The following L3MBTL4 variants were observed in gnomAD, a reference collection of about 807,000 sequenced individuals.
L3MBTL4 encodes the protein lethal(3)malignant brain tumor-like protein 4.
L3MBTL4 carries 70 observed loss-of-function variants against 84.5 expected under a neutral mutation model. The observed-to-expected ratio is 0.83, with a 90% CI of 0.68 to 1.01. The LOEUF is 1.01. Ranked by LOEUF, L3MBTL4 falls within the 50% of genes least tolerant of loss-of-function variation. L3MBTL4 has a pLI of 0.00. For missense variants in L3MBTL4, 715 were observed against 754.8 expected (o/e 0.95, Z 0.62); for synonymous variants, 274 against 259.8 (o/e 1.05, Z -0.52).
chr18:6,185,778 G>A (rs1345172161), intron 12 of L3MBTL4, among the ~76,000 whole-genome samples: 1 of 152,066 alleles, frequency 6.6e-6, no homozygotes, highest in Non-Finnish European at 1.5e-5. Context: ...TGGTAAAGAG[G>A]CCACCGAAGG....
intron 13 of L3MBTL4, among the ~76,000 whole-genome samples, chr18:6,147,929 G>A (rs1015247986): frequency 2.0e-5 from 3 of 152,032 alleles, no homozygotes; most frequent in Non-Finnish European, 4.4e-5. Flanking sequence ...TAAGATAATG[G>A]GTAATTGGCT....
chr18:6,208,981 C>A (rs143260475), intron 12 of L3MBTL4, among the ~76,000 whole-genome samples: 2 of 152,090 alleles, frequency 1.3e-5, no homozygotes, highest in Admixed American at 6.6e-5. Flanking sequence ...TGAGGGTGAG[C>A]GAGTAGAGGA....
chr18:6,007,143 A>C lies in L3MBTL4; in HGVS notation c.1445-37581T>G, dbSNP rs180912169. Among the ~76,000 whole-genome samples the C allele has an allele frequency of 1.3e-3, 200 of 152,286 alleles. 1 individual carries two copies. The highest frequency in any genetic ancestry group is 2.2e-3 in the Non-Finnish European group (151 of 68,018). ...ATAAACAAACATAACGCTCACAAAA[A>C]AGTAAAGTCAAAAGCCAGACAACAA... On this transcript the variant is annotated intron_variant, in intron 16 of 18. Transcript: ENST00000317931.
At chr18:6,107,483 G>A (rs955455637) in intron 14 of L3MBTL4, among the ~76,000 whole-genome samples, 10 of 152,248 alleles carry the variant, frequency 6.6e-5, no homozygotes, top group East Asian at 5.8e-4. Context: ...GCATGCAGGC[G>A]GTCTGGGTAA....
intron 18 of L3MBTL4, among the ~76,000 whole-genome samples, chr18:5,956,808 C>T (rs2095229454): frequency 6.6e-6 from 1 of 152,142 alleles, no homozygotes; most frequent in Admixed American, 6.5e-5. Context: ...GAAAGCAACC[C>T]ACTGTTCCCA....
chr18:6,295,346 C>CTCTCTCTCTCTATATA (rs1261475809), intron 4 of L3MBTL4, among the ~76,000 whole-genome samples: 9 of 81,384 alleles, frequency 1.1e-4, no homozygotes, highest in African/African-American at 5.3e-4. Flanking sequence ...CTCTCTCTCT[C>CTCTCTCTCTCTATATA]TATATATATA....
At chr18:6,201,853 C>G (rs1237586344) in intron 12 of L3MBTL4, among the ~76,000 whole-genome samples, 1 of 152,032 alleles carries the variant, frequency 6.6e-6, no homozygotes, top group East Asian at 1.9e-4. Context: ...TACAAAATTG[C>G]ACCCCATAAA....
At chr18:6,252,028 C>G (rs2047943155) in intron 5 of L3MBTL4, among the ~76,000 whole-genome samples, 1 of 152,152 alleles carries the variant, frequency 6.6e-6, no homozygotes. Context: ...AAAAGCAAGA[C>G]AGGCCGGGCA....
intron 12 of L3MBTL4, among the ~76,000 whole-genome samples, chr18:6,193,385 G>A (rs1478297660): frequency 6.6e-6 from 1 of 152,182 alleles, no homozygotes; most frequent in African/African-American, 2.4e-5. Flanking sequence ...GAGGGCTTTA[G>A]GGAGGGAAAG....
intron 1 of L3MBTL4, among the ~76,000 whole-genome samples, chr18:6,324,242 C>A (rs145812849): frequency 1.3e-3 from 200 of 152,318 alleles, no homozygotes; most frequent in Non-Finnish European, 2.4e-3. Context: ...GGAGTCCTCA[C>A]AGAAAACCTC....
At chr18:6,090,996 T>C (rs1487573739) in intron 15 of L3MBTL4, among the ~76,000 whole-genome samples, 5 of 152,106 alleles carry the variant, frequency 3.3e-5, no homozygotes, top group African/African-American at 1.2e-4. Context: ...ATCACTATTT[T>C]TGGACAGCAG....
intron 16 of L3MBTL4, among the ~76,000 whole-genome samples, chr18:5,998,512 G>T (rs1392129157): frequency 1.3e-5 from 2 of 152,142 alleles, no homozygotes. Context: ...CTGGGGGAAG[G>T]AAAGTCACTT....
At chr18:6,309,282 T>G (rs1219684209) in intron 3 of L3MBTL4, among the ~76,000 whole-genome samples, 1 of 152,198 alleles carries the variant, frequency 6.6e-6, no homozygotes, top group African/African-American at 2.4e-5. Flanking sequence ...TACAGCCTAC[T>G]GTATTAAACT....
At chr18:6,368,439 C>T (rs1463320239) in intron 1 of L3MBTL4, among the ~76,000 whole-genome samples, 1 of 152,152 alleles carries the variant, frequency 6.6e-6, no homozygotes, top group South Asian at 2.1e-4. Flanking sequence ...GGGTGATAAA[C>T]AGTAGTCACA....
At chr18:6,228,377 T>C (rs2046861025) in intron 10 of L3MBTL4, among the ~76,000 whole-genome samples, 1 of 152,072 alleles carries the variant, frequency 6.6e-6, no homozygotes, top group Non-Finnish European at 1.5e-5. Context: ...TGAGACTCAT[T>C]TAAAAATTAA....
At chr18:6,168,231 C>A (rs527894404) in intron 13 of L3MBTL4, among the ~76,000 whole-genome samples, 12 of 152,064 alleles carry the variant, frequency 7.9e-5, no homozygotes, top group African/African-American at 2.9e-4. Flanking sequence ...GAATCAATAT[C>A]GTGAAAATGG....
rs545640292 is a variant in L3MBTL4 at position 6,074,518 on chromosome 18, C to A, written c.1444+6363G>T. ...TTGAAAGAGGTAATGTTATTGGTCA[C>A]TGATGATGATGAGAGCTGTTATTTA... is the stretch of plus-strand genomic sequence containing the variant. On this transcript the variant is annotated intron_variant, in intron 16 of 18. Transcript: ENST00000317931. Among the ~76,000 whole-genome samples the A allele has an allele frequency of 2.6e-5, 4 of 152,310 alleles. No homozygotes were observed. In the South Asian group the frequency reaches 6.2e-4, roughly 24 times the overall value.
chr18:6,226,173 G>A (rs966280729), intron 10 of L3MBTL4, among the ~76,000 whole-genome samples: 22 of 152,174 alleles, frequency 1.4e-4, no homozygotes, highest in African/African-American at 5.3e-4. Flanking sequence ...TTCGGAGGCA[G>A]AGGCAGGTGG....
intron 16 of L3MBTL4, among the ~76,000 whole-genome samples, chr18:6,024,282 T>C (rs972385136): frequency 4.6e-5 from 7 of 152,236 alleles, no homozygotes; most frequent in Admixed American, 6.5e-5. Context: ...AATGAGAGCA[T>C]ATCCATGCAT....
Sources: allele counts gnomAD v4.1 joint callset (sites outside exome capture counted in the v4.1 genomes callset), GRCh38; gene constraint gnomAD v4.1.1; transcripts MANE v1.5; gene names NCBI Gene and HGNC (gene_info 2026-07-23, HGNC 2026-07-21).